Variants in HPSE2 observed in about 807,000 individuals in gnomAD.
HPSE2 encodes the protein inactive heparanase-2.
HPSE2 carries 38 observed loss-of-function variants against 60.5 expected under a neutral mutation model. The observed-to-expected ratio is 0.63, with a 90% CI of 0.48 to 0.82. HPSE2 has a LOEUF of 0.82. Ranked by LOEUF, HPSE2 falls within the 40% of genes least tolerant of loss-of-function variation. HPSE2 has a pLI of 0.00. For synonymous variants in HPSE2, 295 were observed against 293.2 expected (o/e 1.01, Z -0.06); for missense variants, 713 against 740.4 (o/e 0.96, Z 0.43).
At chr10:98,672,634 G>A (rs1947535629) in intron 6 of HPSE2, among the ~76,000 whole-genome samples, 1 of 152,126 alleles carries the variant, frequency 6.6e-6, no homozygotes. Context: ...CTTTTCCTAA[G>A]GAGAACAAAC....
Position 98,482,677 on chromosome 10 carries a change from C to T in HPSE2, c.1572G>A (p.Gln524=), listed in dbSNP as rs1199809929. 1.9e-6 allele frequency: 3 copies of T among 1,614,206 alleles called. No homozygotes were observed. The highest frequency in any genetic ancestry group is 2.5e-6 in the Non-Finnish European group (3 of 1,180,036). The change falls in exon 11 of 12, where the codon CAG becomes CAA. Residue 524 remains glutamine, a synonymous_variant. Coordinates refer to ENST00000370552, the MANE Select transcript of HPSE2 (RefSeq NM_021828.5). ...CCTGCCCATAGGGCTGCAGCAGGTA[C>T]TGGTGAACCAGCTTGTCTCTGAGAG... ...AGTLRDKLVH[Q]YLLQPYGQEG... is the part of the protein sequence containing the mutation.
intron 2 of HPSE2, among the ~76,000 whole-genome samples, chr10:99,201,294 C>A (rs754979650): frequency 6.6e-6 from 1 of 152,062 alleles, no homozygotes; most frequent in Non-Finnish European, 1.5e-5. Context: ...TTCTTTTCCA[C>A]TGCTGCTTGA....
chr10:98,872,124 TAA>T (rs1449223845), intron 3 of HPSE2, among the ~76,000 whole-genome samples: 53 of 152,046 alleles, frequency 3.5e-4, no homozygotes, highest in Non-Finnish European at 7.2e-4. Flanking sequence ...GGACTAGTAC[TAA>T]ATACTGGTCA....
intron 6 of HPSE2, among the ~76,000 whole-genome samples, chr10:98,672,640 C>G (rs746943226): frequency 6.6e-6 from 1 of 152,170 alleles, no homozygotes; most frequent in Admixed American, 6.5e-5. Context: ...CTAAGGAGAA[C>G]AAACGTCTAT....
chr10:98,699,407 T>A (rs1285004258), intron 5 of HPSE2, among the ~76,000 whole-genome samples: 1 of 106,836 alleles, frequency 9.4e-6, no homozygotes, highest in Non-Finnish European at 2.1e-5. Context: ...ATTTTCTCAA[T>A]AGATGCAGAA....
At chr10:98,472,330 C>G (rs1036718036) in intron 11 of HPSE2, among the ~76,000 whole-genome samples, 1 of 152,098 alleles carries the variant, frequency 6.6e-6, no homozygotes, top group Non-Finnish European at 1.5e-5. Context: ...ACAGCCAGCT[C>G]GTAAATCTCC....
chr10:98,895,187 G>A (rs931678024), intron 3 of HPSE2, among the ~76,000 whole-genome samples: 42 of 151,902 alleles, frequency 2.8e-4, no homozygotes, highest in African/African-American at 9.4e-4. Flanking sequence ...AAACCCATAC[G>A]TATAGAAATT....
At chr10:99,033,057 T>C (rs1297439847) in intron 3 of HPSE2, among the ~76,000 whole-genome samples, 1 of 152,178 alleles carries the variant, frequency 6.6e-6, no homozygotes, top group Non-Finnish European at 1.5e-5. Context: ...AATTAGGACA[T>C]GGATATTGGG....
intron 3 of HPSE2, among the ~76,000 whole-genome samples, chr10:98,910,153 C>T (rs954158954): frequency 4.6e-5 from 7 of 152,146 alleles, no homozygotes; most frequent in Non-Finnish European, 8.8e-5. Flanking sequence ...ACTTACAGAC[C>T]ATCTGCTTAC....
chr10:98,801,563 T>C (rs1950908291), intron 3 of HPSE2, among the ~76,000 whole-genome samples: 1 of 151,842 alleles, frequency 6.6e-6, no homozygotes, highest in Non-Finnish European at 1.5e-5. Flanking sequence ...CAGTGAACAA[T>C]ATGAAAAAGA....
At chr10:99,106,714 A>C (rs189007093) in intron 3 of HPSE2, among the ~76,000 whole-genome samples, 2 of 152,248 alleles carry the variant, frequency 1.3e-5, no homozygotes, top group Non-Finnish European at 2.9e-5. Flanking sequence ...CAAACTACTT[A>C]ATCTTCATAA....
chr10:98,510,627 T>C (rs926796551), intron 9 of HPSE2, among the ~76,000 whole-genome samples: 5 of 152,214 alleles, frequency 3.3e-5, no homozygotes, highest in African/African-American at 1.2e-4. Flanking sequence ...GGAAACTGCG[T>C]TGTGGCCCTG....
intron 3 of HPSE2, among the ~76,000 whole-genome samples, chr10:99,115,716 A>G (rs555212797): frequency 2.6e-5 from 4 of 152,202 alleles, no homozygotes; most frequent in Non-Finnish European, 4.4e-5. Context: ...ATAAAATACA[A>G]TTTTATGAAG....
At chr10:98,881,893 T>C (rs1475105301) in intron 3 of HPSE2, among the ~76,000 whole-genome samples, 1 of 152,080 alleles carries the variant, frequency 6.6e-6, no homozygotes, top group Non-Finnish European at 1.5e-5. Context: ...CTCCCCTGCA[T>C]CCATTGGAAG....
intron 2 of HPSE2, among the ~76,000 whole-genome samples, chr10:99,228,841 A>G (rs2133944428): frequency 1.3e-5 from 2 of 152,304 alleles, no homozygotes; most frequent in South Asian, 4.1e-4. Context: ...TGAGTTGTTA[A>G]TTGCATTATT....
chr10:98,820,452 G>T (rs1589882573), intron 3 of HPSE2, among the ~76,000 whole-genome samples: 1 of 152,260 alleles, frequency 6.6e-6, no homozygotes, highest in South Asian at 2.1e-4. Context: ...TTACAAAGGA[G>T]ATAGGGGCTG....
chr10:99,225,627 G>A (rs1338864454), intron 2 of HPSE2, among the ~76,000 whole-genome samples: 4 of 152,046 alleles, frequency 2.6e-5, no homozygotes, highest in Admixed American at 1.3e-4. Context: ...TTATAACACA[G>A]TTTAGTTAGA....
intron 9 of HPSE2, among the ~76,000 whole-genome samples, chr10:98,546,015 A>C (rs1488427930): frequency 7.4e-6 from 1 of 134,718 alleles, no homozygotes; most frequent in African/African-American, 2.7e-5. Flanking sequence ...AATAACAGAC[A>C]AACAGAGAGC....
chr10:99,235,999 CTTTTTT>C (rs371950895), upstream of HPSE2: 1 of 319,920 alleles, frequency 3.1e-6, no homozygotes, highest in African/African-American at 3.5e-5. Flanking sequence ...TTGTTTTTTT[CTTTTTT>C]TTTTTTAATT....
Sources: gnomAD v4.1 joint callset for allele counts (sites outside exome capture counted in the v4.1 genomes callset) on GRCh38, gnomAD v4.1.1 for gene constraint, MANE v1.5 for transcripts, NCBI Gene and HGNC (gene_info 2026-07-23, HGNC 2026-07-21) for gene names.